The following ASIC2 variants were observed in gnomAD, a reference collection of about 807,000 sequenced individuals.
ASIC2 encodes the protein acid sensing ion channel subunit 2.
In ASIC2, 25 loss-of-function variants were observed where a neutral mutation model predicts 57.3. The ratio of observed to expected loss-of-function variants is 0.44; its 90% confidence interval spans 0.32 to 0.61. The LOEUF (loss-of-function observed/expected upper bound fraction) is 0.61. ASIC2 is among the 20% of genes least tolerant of loss of function. ASIC2 has a pLI of 0.06. For missense variants in ASIC2, 641 were observed against 738.1 expected (o/e 0.87, Z 1.52); for synonymous variants, 319 against 307.5 (o/e 1.04, Z -0.39).
chr17:33,642,461 T>C (rs72811174), intron 1 of ASIC2, among the ~76,000 whole-genome samples: 7,231 of 150,414 alleles, frequency 0.048, 200 homozygotes, highest in South Asian at 0.12. Flanking sequence ...GACACACTGT[T>C]TGTGATGTTC....
Position 33,551,564 on chromosome 17 carries a change from A to G in ASIC2, c.556-439497T>C, listed in dbSNP as rs542128737. ...TCTCTAGGATTCTGGTCTACTCCCA[A>G]TCAGATGCCCATAGCTTGGTCTTCC... On this transcript the variant is annotated intron_variant, in intron 1 of 9. Coordinates refer to the ASIC2 transcript ENST00000359872. 3.3e-5 allele frequency among the ~76,000 whole-genome samples: 5 copies of G among 152,320 alleles called. No homozygotes were observed. The East Asian group carries it at 7.7e-4, about 23-fold the overall frequency.
intron 1 of ASIC2, among the ~76,000 whole-genome samples, chr17:33,373,853 T>A (rs1909177489): frequency 6.6e-6 from 1 of 152,118 alleles, no homozygotes; most frequent in South Asian, 2.1e-4. Context: ...AATTTTTGTA[T>A]TTTTAGTAGA....
chr17:33,117,940 A>T (rs2092287380), intron 1 of ASIC2, among the ~76,000 whole-genome samples: 1 of 152,158 alleles, frequency 6.6e-6, no homozygotes, highest in South Asian at 2.1e-4. Flanking sequence ...ATCTTAAAGT[A>T]GTTAGAGGGG....
intron 1 of ASIC2, among the ~76,000 whole-genome samples, chr17:33,436,467 A>G (rs1939639451): frequency 6.6e-6 from 1 of 152,066 alleles, no homozygotes; most frequent in Admixed American, 6.5e-5. Flanking sequence ...AACTGACTGA[A>G]CCCACCCAGA....
At chr17:33,022,131 T>C (rs1226016596) in intron 6 of ASIC2, among the ~76,000 whole-genome samples, 2 of 152,218 alleles carry the variant, frequency 1.3e-5, no homozygotes, top group Admixed American at 1.3e-4. Flanking sequence ...CTTCTTTCTG[T>C]GAGCAGGGCT....
chr17:33,103,182 G>T (rs897558271), intron 2 of ASIC2, among the ~76,000 whole-genome samples: 11 of 152,110 alleles, frequency 7.2e-5, no homozygotes, highest in Non-Finnish European at 2.9e-5. Flanking sequence ...TCTCTCTTGA[G>T]AATTTTAATT....
In ASIC2 at chr17:33,459,408, C is replaced by G. The variant is rs920898030; in HGVS notation, c.556-347341G>C. Among the ~76,000 whole-genome samples the G allele has an allele frequency of 5.3e-5, 8 of 152,168 alleles. No individual in the cohort carries two copies. In the East Asian group the frequency reaches 1.2e-3, roughly 22 times the overall value. On this transcript the variant is annotated intron_variant, in intron 1 of 9. Coordinates refer to the ASIC2 transcript ENST00000359872. The stretch of plus-strand genomic sequence containing the variant: ...TCCAATGGATATTTACCTCATTAAA[C>G]AGCAATACATTCAAACAGAAAAATG...
chr17:33,275,726 A>T (rs1497354), intron 1 of ASIC2, among the ~76,000 whole-genome samples: 50,831 of 151,800 alleles, frequency 0.33, 8,607 homozygotes, highest in Admixed American at 0.41. Context: ...ACTTAAACTC[A>T]GGTGCCCTTA....
chr17:33,291,355 A>T, intron 1 of ASIC2, 53 bp downstream of exon 1: 4 of 1,540,120 alleles, frequency 2.6e-6, no homozygotes, highest in South Asian at 2.5e-5. Flanking sequence ...AGGCCTCCTG[A>T]CTGCCGGGGA....
At position 33,477,920 on chromosome 17, in the gene ASIC2, A is replaced by G. The variant is rs141660837; in HGVS notation, c.556-365853T>C. ...AGGATGTGCCAAGTAATCCAGACTG[A>G]TTATTCTACAGGGTTGTGGTTGGAA... is the stretch of plus-strand genomic sequence containing the variant. On this transcript the variant is annotated intron_variant, in intron 1 of 9. Coordinates refer to the ASIC2 transcript ENST00000359872. 5.3e-5 allele frequency among the ~76,000 whole-genome samples: 8 copies of G among 152,344 alleles called. No individual in the cohort carries two copies. In the East Asian group the frequency reaches 1.5e-3, roughly 29 times the overall value.
chr17:33,942,642 G>A (rs545476309), intron 1 of ASIC2, among the ~76,000 whole-genome samples: 1 of 152,260 alleles, frequency 6.6e-6, no homozygotes, highest in South Asian at 2.1e-4. Context: ...CTATGGAAAC[G>A]AGTGGCAGAG....
At chr17:33,804,784 T>C (rs1912224522) in intron 1 of ASIC2, among the ~76,000 whole-genome samples, 1 of 152,256 alleles carries the variant, frequency 6.6e-6, no homozygotes. Flanking sequence ...CTTCTGTTTT[T>C]AGGTGTATAT....
intron 3 of ASIC2, among the ~76,000 whole-genome samples, chr17:33,042,580 T>C (rs917670069): frequency 1.3e-5 from 2 of 152,346 alleles, no homozygotes; most frequent in Middle Eastern, 3.4e-3. Flanking sequence ...AACAGCCTTA[T>C]GGAATTGAAA....
intron 1 of ASIC2, among the ~76,000 whole-genome samples, chr17:33,175,031 C>A (rs1355852752): frequency 6.6e-6 from 1 of 152,122 alleles, no homozygotes; most frequent in Non-Finnish European, 1.5e-5. Flanking sequence ...AAACCCTGAG[C>A]AATTAAGATG....
intron 1 of ASIC2, among the ~76,000 whole-genome samples, chr17:33,604,689 A>G (rs1161287964): frequency 2.0e-5 from 3 of 152,136 alleles, no homozygotes; most frequent in Admixed American, 6.5e-5. Context: ...AGAGCAGCCC[A>G]GGAGAGCCAG....
intron 1 of ASIC2, among the ~76,000 whole-genome samples, chr17:33,878,873 C>T (rs1451654303): frequency 6.6e-6 from 1 of 152,166 alleles, no homozygotes; most frequent in African/African-American, 2.4e-5. Flanking sequence ...TCGGGTTACC[C>T]ACAAGGGGAA....
chr17:33,576,733 T>C (rs1332525395), intron 1 of ASIC2, among the ~76,000 whole-genome samples: 1 of 151,826 alleles, frequency 6.6e-6, no homozygotes, highest in Non-Finnish European at 1.5e-5. Flanking sequence ...TTCTCCTTAC[T>C]CCCTACCCAT....
intron 1 of ASIC2, among the ~76,000 whole-genome samples, chr17:33,357,221 G>C (rs992170593): frequency 6.6e-6 from 1 of 152,048 alleles, no homozygotes; most frequent in African/African-American, 2.4e-5. Flanking sequence ...CTCACCATCA[G>C]ATCTGAACTC....
chr17:33,120,525 G>A (rs530189273), intron 1 of ASIC2, among the ~76,000 whole-genome samples: 113 of 152,320 alleles, frequency 7.4e-4, no homozygotes, highest in Non-Finnish European at 1.3e-3. Flanking sequence ...CACTGCAGTC[G>A]TTCACCTGGA....
Sources: gnomAD v4.1 joint callset for allele counts (sites outside exome capture counted in the v4.1 genomes callset) on GRCh38, gnomAD v4.1.1 for gene constraint, MANE v1.5 for transcripts, NCBI Gene and HGNC (gene_info 2026-07-23, HGNC 2026-07-21) for gene names.